CEP43: variants seen among roughly 807,000 people sequenced by gnomAD.
CEP43 encodes the protein centrosomal protein 43.
CEP43 carries 36 observed loss-of-function variants against 52.6 expected under a neutral mutation model. The observed-to-expected ratio is 0.68, with a 90% CI of 0.52 to 0.90. The LOEUF (loss-of-function observed/expected upper bound fraction) is 0.90, where lower values mean the gene tolerates loss of function less well. CEP43 is among the 40% of genes least tolerant of loss of function. The pLI is 0.00. For synonymous variants in CEP43, 192 were observed against 172.4 expected (o/e 1.11, Z -0.89); for missense variants, 506 against 472.8 (o/e 1.07, Z -0.65).
chr6:167,014,387 CCT>C (rs1562526461), intron 7 of CEP43, among the ~76,000 whole-genome samples: 1 of 152,140 alleles, frequency 6.6e-6, no homozygotes, highest in African/African-American at 2.4e-5. Flanking sequence ...GCTTTTTCAT[CCT>C]CTCCTAAAGA....
rs2114864696 is a variant in CEP43 at position 167,050,718 on chromosome 6, T to G, written c.*10740T>G. On this transcript the variant is annotated 3_prime_UTR_variant, in exon 13 of 13. Transcript: ENST00000366847. ...ATTGCTTGAACCCTGGAGTCAGAGT[T>G]TGCAGTGAGCTGAGATCATGCCACT... 6.7e-6 allele frequency: 1 copy of G among 149,788 alleles called. No homozygotes were observed. Among genetic ancestry groups the G allele is most frequent in the African/African-American group, 2.5e-5 (1 of 40,378 alleles). The allele number at this position is 149,788 out of a possible 1,614,324, so 9.3% of individuals were successfully genotyped here.
intron 7 of CEP43, among the ~76,000 whole-genome samples, chr6:167,018,976 G>A (rs1215353327): frequency 3.3e-5 from 5 of 152,106 alleles, no homozygotes; most frequent in South Asian, 4.1e-4. Flanking sequence ...GATAGCATAC[G>A]TTGAGTTTTG....
intron 10 of CEP43, among the ~76,000 whole-genome samples, chr6:167,031,278 T>C (rs1242226566): frequency 6.6e-6 from 1 of 152,032 alleles, no homozygotes; most frequent in African/African-American, 2.4e-5. Flanking sequence ...TTTCACATGT[T>C]TCCTCTTGGA....
intron 4 of CEP43, chr6:167,004,022 TAA>T: frequency 1.7e-6 from 1 of 592,184 alleles, no homozygotes; most frequent in Non-Finnish European, 2.9e-6. Flanking sequence ...AGCTTGCTAA[TAA>T]AAGTGTTACT....
intron 12 of CEP43, among the ~76,000 whole-genome samples, chr6:167,035,328 C>CATTTGT (rs1264584778): frequency 1.3e-5 from 2 of 152,142 alleles, no homozygotes; most frequent in Non-Finnish European, 1.5e-5. Context: ...AACACAAAAG[C>CATTTGT]ATTTGTATTC....
rs1179815499 is a variant in CEP43, at chr6:167,052,257, G to A, written c.*12279G>A. 1 of 151,896 alleles carries A rather than the reference G, an allele frequency of 6.6e-6. No individual in the cohort carries two copies. The highest frequency in any genetic ancestry group is 1.5e-5 in the Non-Finnish European group (1 of 68,000). 9.4% of individuals were successfully genotyped at this position (151,896 alleles called of 1,614,324 possible). On this transcript the variant is annotated 3_prime_UTR_variant, in exon 13 of 13. Transcript: ENST00000366847. ...TATTATTGTTATACTTACTACCTCT[G>A]TATATGTTACAAGCCCAAGAATACT...
intron 5 of CEP43, 57 bp from the exon 6 acceptor site, chr6:167,010,756 T>G: frequency 1.3e-6 from 1 of 784,978 alleles, no homozygotes; most frequent in Non-Finnish European, 1.9e-6. Flanking sequence ...GGAGTGTAAT[T>G]GGTATATTTG....
At chr6:167,000,778 G>A (rs1329317677) in intron 2 of CEP43, among the ~76,000 whole-genome samples, 1 of 152,188 alleles carries the variant, frequency 6.6e-6, no homozygotes, top group Non-Finnish European at 1.5e-5. Context: ...GCAGGCATCA[G>A]TCTTCTCTTG....
At chr6:167,014,125 G>A (rs1305648237) in intron 7 of CEP43, among the ~76,000 whole-genome samples, 1 of 152,110 alleles carries the variant, frequency 6.6e-6, no homozygotes, top group Non-Finnish European at 1.5e-5. Context: ...TTGAAAATAC[G>A]TATTTTTCTT....
Position 167,045,139 on chromosome 6 carries a change from C to T in CEP43, c.*5161C>T, listed in dbSNP as rs1209242310. 2 of 144,524 alleles carry T rather than the reference C, an allele frequency of 1.4e-5. No individual in the cohort carries two copies. The highest frequency in any genetic ancestry group is 2.0e-4 in the East Asian group (1 of 4,902). The allele number at this position is 144,524 out of a possible 1,614,324, so 9.0% of individuals were successfully genotyped here. On this transcript the variant is annotated 3_prime_UTR_variant, in exon 13 of 13. Coordinates refer to ENST00000366847, the MANE Select transcript of CEP43 (RefSeq NM_007045.4). ...TTTTTTTTTGAGACTGAGTCACTGTCGCCCAGGCTGGAGTGCAGTGGTACT... is the reference window on the plus strand; with the variant it reads ...TTTTTTTTTGAGACTGAGTCACTGTTGCCCAGGCTGGAGTGCAGTGGTACT...
At chr6:167,024,651 A>C (rs1481405729) in intron 8 of CEP43, 131 bp from the exon 9 acceptor site, 2 of 693,080 alleles carry the variant, frequency 2.9e-6, no homozygotes, top group Non-Finnish European at 2.5e-6. Context: ...GAATCTTTAA[A>C]GTGTATATTC....
chr6:167,012,416 G>A (rs774510414), intron 6 of CEP43, among the ~76,000 whole-genome samples: 33 of 152,014 alleles, frequency 2.2e-4, no homozygotes, highest in Non-Finnish European at 4.1e-4. Context: ...CAGTGATAGA[G>A]TAAGGTCATG....
chr6:167,040,322 TTGTG>T lies in CEP43; in HGVS notation c.*351_*354del. 1.3e-5 allele frequency: 18 copies of T among 1,427,902 alleles called. No homozygotes were observed. The highest frequency in any genetic ancestry group is 1.6e-5 in the Non-Finnish European group (18 of 1,098,106). The allele number at this position is 1,427,902 out of a possible 1,614,324, so 88.5% of individuals were successfully genotyped here. A position where few individuals can be genotyped will look rare whatever the true frequency, so the allele number is the denominator to read the frequency against. ...TAAAGCCGTAGGATCGCGCAACCCT[TTGTG>T]TGTGTGGCTGCTGGTACGTGTGATC... On this transcript the variant is annotated 3_prime_UTR_variant, in exon 13 of 13. Coordinates refer to ENST00000366847, the MANE Select transcript of CEP43 (RefSeq NM_007045.4).
chr6:167,041,433 C>G lies in CEP43; in HGVS notation c.*1455C>G. 1 of 1,060,324 alleles carries G rather than the reference C, an allele frequency of 9.4e-7. No homozygotes were observed. Among genetic ancestry groups the G allele is most frequent in the Non-Finnish European group, 1.1e-6 (1 of 876,176 alleles). The allele number at this position is 1,060,324 out of a possible 1,614,324, so 65.7% of individuals were successfully genotyped here. On this transcript the variant is annotated 3_prime_UTR_variant, in exon 13 of 13. Transcript: ENST00000366847. ...GCCCTCCGTCTGTGAGCTGCTATCT[C>G]AGTCTCCTTCAGCTCTTCATGTCTT...
At chr6:167,017,088 C>T (rs556018174) in intron 7 of CEP43, among the ~76,000 whole-genome samples, 5 of 151,480 alleles carry the variant, frequency 3.3e-5, no homozygotes, top group East Asian at 1.9e-4. Context: ...CTCCGCCTCC[C>T]GGGTTCACGG....
Position 167,046,989 on chromosome 6 carries a change from G to A in CEP43, c.*7011G>A, listed in dbSNP as rs987437425. The A allele has an allele frequency of 2.0e-5, 3 of 152,254 alleles. No individual in the cohort carries two copies. The highest frequency in any genetic ancestry group is 2.0e-4 in the Admixed American group (3 of 15,284). The allele number at this position is 152,254 out of a possible 1,614,324, so 9.4% of individuals were successfully genotyped here. Reference sequence around the variant, plus strand: ...GGAGCCCAATCTGTGACCCCTAGGAGTGGGGACCATGGAAGCACTTGGCTC... The same window carrying A: ...GGAGCCCAATCTGTGACCCCTAGGAATGGGGACCATGGAAGCACTTGGCTC... On this transcript the variant is annotated 3_prime_UTR_variant, in exon 13 of 13. Coordinates refer to ENST00000366847, the MANE Select transcript of CEP43 (RefSeq NM_007045.4).
At chr6:167,004,626 A>G (rs1779810787) in intron 5 of CEP43, among the ~76,000 whole-genome samples, 1 of 54,768 alleles carries the variant, frequency 1.8e-5, no homozygotes, top group Non-Finnish European at 3.8e-5. Context: ...GATCCTCAAG[A>G]GTGTTGGGTC....
intron 5 of CEP43, among the ~76,000 whole-genome samples, chr6:167,009,255 G>A (rs1257708983): frequency 2.0e-5 from 3 of 151,652 alleles, no homozygotes; most frequent in Non-Finnish European, 4.4e-5. Flanking sequence ...GGCCAGGTGC[G>A]GTGGCTCAAA....
At chr6:167,004,182 A>G in intron 4 of CEP43, 82 bp from the exon 5 acceptor site, 2 of 1,413,492 alleles carry the variant, frequency 1.4e-6, no homozygotes, top group Non-Finnish European at 1.9e-6. Flanking sequence ...AGATGTCTTT[A>G]AACTCTGAAA....
Sources: gnomAD v4.1 joint callset for allele counts (sites outside exome capture counted in the v4.1 genomes callset) on GRCh38, gnomAD v4.1.1 for gene constraint, MANE v1.5 for transcripts, NCBI Gene and HGNC (gene_info 2026-07-23, HGNC 2026-07-21) for gene names.